CDC42BPB: variants seen among roughly 807,000 people sequenced by gnomAD.
CDC42BPB encodes serine/threonine-protein kinase MRCK beta.
Under a neutral mutation model 214.9 loss-of-function variants are expected in CDC42BPB, and 37 were observed. That is an observed-to-expected ratio of 0.17 (90% CI 0.13 to 0.23). The LOEUF is 0.23. CDC42BPB is among the 10% of genes least tolerant of loss of function. The pLI is 1.00. For missense variants in CDC42BPB, 1,694 were observed against 2,227.0 expected, an observed-to-expected ratio of 0.76 and a Z score of 4.82; for synonymous variants, 931 against 884.0, an observed-to-expected ratio of 1.05 and a Z score of -0.94.
intron 1 of CDC42BPB, among the ~76,000 whole-genome samples, chr14:103,050,637 G>A (rs904157107): frequency 6.6e-6 from 1 of 152,054 alleles, no homozygotes; most frequent in Non-Finnish European, 1.5e-5. Flanking sequence ...TATGCCTATT[G>A]TCCCAGCTAT....
chr14:103,036,345 C>T (rs1009892339), intron 1 of CDC42BPB, among the ~76,000 whole-genome samples: 25 of 151,698 alleles, frequency 1.6e-4, no homozygotes, highest in Admixed American at 4.6e-4. Flanking sequence ...TTAGTAGAGA[C>T]GGGGTTTCAC....
At chr14:102,981,413 T>C (rs1477955505) in intron 7 of CDC42BPB, among the ~76,000 whole-genome samples, 1 of 152,198 alleles carries the variant, frequency 6.6e-6, no homozygotes, top group Non-Finnish European at 1.5e-5. Context: ...AAACACAACA[T>C]GCTCAGGACT....
At chr14:102,957,718 A>G (rs1892774461) in intron 21 of CDC42BPB, among the ~76,000 whole-genome samples, 1 of 152,204 alleles carries the variant, frequency 6.6e-6, no homozygotes, top group South Asian at 2.1e-4. Context: ...TGGGTGTTGT[A>G]ATGACAGACA....
chr14:102,941,394 T>C, intron 30 of CDC42BPB: 2 of 985,464 alleles, frequency 2.0e-6, no homozygotes, highest in Non-Finnish European at 2.4e-6. Flanking sequence ...ATCAGGACTT[T>C]TCTTCTGAAT....
chr14:102,953,188 G>A (rs1195021737), intron 23 of CDC42BPB, among the ~76,000 whole-genome samples: 4 of 152,256 alleles, frequency 2.6e-5, no homozygotes, highest in African/African-American at 9.6e-5. Flanking sequence ...CTCAGGCGCA[G>A]CAGAGACCAA....
In CDC42BPB at chr14:102,940,307, C is replaced by T. The variant is rs146870461; in HGVS notation, c.4426G>A (p.Val1476Ile). The T allele has an allele frequency of 2.4e-5, 38 of 1,575,856 alleles. No individual in the cohort carries two copies. The highest frequency in any genetic ancestry group is 2.9e-5 in the Non-Finnish European group (34 of 1,160,798). ...ACGCCATACTCGCTGTACACCGTGA[C>T]GTGGGTGGGGCTGCAACCTAGCGCA... ...PVACSCSPTH[V>I]TVYSEYGVDV... The change falls in exon 31 of 37, where the codon GTC becomes ATC. Residue 1476 changes from valine to isoleucine, a missense_variant. Val to Ile is a conservative substitution (Grantham distance 29, BLOSUM62 3). This residue lies in a region of CDC42BPB where 567 missense variants were observed against 790.3 expected (regional missense o/e 0.72). Coordinates refer to ENST00000361246, the MANE Select transcript of CDC42BPB (RefSeq NM_006035.4).
rs1044548095 is a variant in CDC42BPB, at chr14:103,001,385, G to A, written c.448-1672C>T. ...GCATGGAGAGCAGGCAGTGGTGAGC[G>A]CCAGCTGACCGCAGGCCGCCTGGTG... On this transcript the variant is annotated intron_variant, in intron 4 of 36. Coordinates refer to ENST00000361246, the MANE Select transcript of CDC42BPB (RefSeq NM_006035.4). This position sits in a 1 kb window ranked among gnomAD's most constrained non-coding sequence, Gnocchi z 5.8. Among the ~76,000 whole-genome samples, 14 of 152,162 alleles carry A rather than the reference G, an allele frequency of 9.2e-5. No individual in the cohort carries two copies. Among genetic ancestry groups the A allele is most frequent in the South Asian group, 8.3e-4 (4 of 4,830 alleles).
rs1021497601 is a variant in CDC42BPB at position 102,985,129 on chromosome 14, C to A, written c.690+1358G>T. On this transcript the variant is annotated intron_variant, in intron 6 of 36. Transcript: ENST00000361246. ...AGGGTAACCCATGTTCTGGTTATAC[C>A]GTGACAGGGTGGTGTGGAGGTCAGG... 4.1e-5 allele frequency among the ~76,000 whole-genome samples: 6 copies of A among 145,672 alleles called. No homozygotes were observed. The South Asian group carries it at 8.7e-4, about 21-fold the overall frequency.
intron 7 of CDC42BPB, 70 bp downstream of exon 7, chr14:102,983,486 A>T: frequency 5.0e-6 from 8 of 1,585,776 alleles, no homozygotes; most frequent in Non-Finnish European, 6.8e-6. Flanking sequence ...ATCTTCCTGC[A>T]CTAGTTGTGC....
chr14:103,005,601 T>C (rs566965791), intron 3 of CDC42BPB, among the ~76,000 whole-genome samples: 61 of 152,070 alleles, frequency 4.0e-4, no homozygotes, highest in African/African-American at 1.3e-3. Context: ...TCCCAGCTAC[T>C]CAAGAGGCTG....
intron 2 of CDC42BPB, 112 bp from the exon 3 acceptor site, chr14:103,008,667 G>C (rs1885981535): frequency 2.0e-6 from 3 of 1,485,140 alleles, no homozygotes; most frequent in South Asian, 2.7e-5. Context: ...GAAACCAGCA[G>C]TGACCGAAAG....
chr14:102,964,556 T>C lies in CDC42BPB; in HGVS notation c.2672A>G (p.Gln891Arg). ...CTTCCTGAGCTCCTCCTGGACAAGC[T>C]GCTTGGCCCGGATCTCCGCCTCCAG... ...SALEAEIRAK[Q>R]LVQEELRKVK... Residue 891 changes from glutamine (Q) to arginine (R), a missense_variant, in exon 19 of 37, where the codon CAG (glutamine) becomes CGG (arginine). Coordinates refer to ENST00000361246, the MANE Select transcript of CDC42BPB (RefSeq NM_006035.4). 1 of 1,613,956 alleles carries C rather than the reference T, an allele frequency of 6.2e-7. No individual in the cohort carries two copies. The highest frequency in any genetic ancestry group is 8.5e-7 in the Non-Finnish European group (1 of 1,180,014).
chr14:102,961,951 CAAA>C (rs1892981305), intron 20 of CDC42BPB, among the ~76,000 whole-genome samples: 1 of 152,176 alleles, frequency 6.6e-6, no homozygotes, highest in African/African-American at 2.4e-5. Flanking sequence ...CCCCAAAATG[CAAA>C]AGGCTTTTAG....
At chr14:103,035,765 G>A (rs1261731811) in intron 1 of CDC42BPB, among the ~76,000 whole-genome samples, 2 of 152,008 alleles carry the variant, frequency 1.3e-5, no homozygotes, top group African/African-American at 2.4e-5. Context: ...GCATGAACCC[G>A]GGAGGCGGAG....
intron 19 of CDC42BPB, 43 bp from the exon 20 acceptor site, chr14:102,963,198 T>C: frequency 6.4e-7 from 1 of 1,563,382 alleles, no homozygotes; most frequent in South Asian, 1.1e-5. Context: ...TGAGAAGAGG[T>C]TGTCTGTGAG....
chr14:103,036,168 T>C (rs1487659321), intron 1 of CDC42BPB, among the ~76,000 whole-genome samples: 1 of 151,016 alleles, frequency 6.6e-6, no homozygotes, highest in East Asian at 1.9e-4. Flanking sequence ...TTTTTTTTTT[T>C]TTGAGTGGGA....
At chr14:102,946,852 G>A (rs185065476) in intron 27 of CDC42BPB, 168 bp from the exon 28 acceptor site, 24 of 985,436 alleles carry the variant, frequency 2.4e-5, no homozygotes, top group Admixed American at 1.8e-4. Context: ...AGAGGCTCCC[G>A]CGGCAGGACA....
chr14:102,933,699 C>A lies in CDC42BPB; in HGVS notation c.*13G>T. ...ATCTCCAGCTCCCTGGCCCCTGTGG[C>A]GAGCTGGCGGCTTCAGGTGTCACAG... On this transcript the variant is annotated 3_prime_UTR_variant, in exon 37 of 37. Transcript: ENST00000361246. 6.9e-7 allele frequency: 1 copy of A among 1,447,414 alleles called. No homozygotes were observed. Among genetic ancestry groups the A allele is most frequent in the African/African-American group, 1.5e-5 (1 of 67,504 alleles). The allele number at this position is 1,447,414 out of a possible 1,614,324, so 89.7% of individuals were successfully genotyped here. A position where few individuals can be genotyped will look rare whatever the true frequency, so the allele number is the denominator to read the frequency against.
At chr14:102,982,272 G>A in intron 7 of CDC42BPB, among the ~76,000 whole-genome samples, 1 of 152,140 alleles carries the variant, frequency 6.6e-6, no homozygotes. Flanking sequence ...TGTAACTTTT[G>A]CTTTGCTTTG....
Sources: allele counts gnomAD v4.1 joint callset (sites outside exome capture counted in the v4.1 genomes callset), GRCh38; gene constraint gnomAD v4.1.1; regional missense constraint gnomAD v4.1.1; non-coding constraint Gnocchi (gnomAD v3.1); transcripts MANE v1.5; gene names NCBI Gene and HGNC (gene_info 2026-07-23, HGNC 2026-07-21).